Variants in FAM20C observed in about 807,000 individuals in gnomAD.
FAM20C encodes the protein FAM20C golgi associated secretory pathway kinase, also known as extracellular serine/threonine protein kinase FAM20C.
Under a neutral mutation model 51.5 loss-of-function variants are expected in FAM20C, and 40 were observed. The observed-to-expected ratio is 0.78, with a 90% CI of 0.60 to 1.01. FAM20C has a LOEUF of 1.01. FAM20C is among the 50% of genes least tolerant of loss of function. FAM20C has a pLI of 0.00. For synonymous variants in FAM20C, 406 were observed against 380.6 expected, an observed-to-expected ratio of 1.07 and a Z score of -0.78; for missense variants, 861 against 844.7, an observed-to-expected ratio of 1.02 and a Z score of -0.24.
At chr7:256,617 T>C in intron 6 of FAM20C, 37 bp from the exon 7 acceptor site, 1 of 1,499,550 alleles carries the variant, frequency 6.7e-7, no homozygotes, top group Non-Finnish European at 9.0e-7. Context: ...CCCCAGAATC[T>C]GGCCTGGGCC....
intron 3 of FAM20C, among the ~76,000 whole-genome samples, chr7:217,428 A>ACTCCAGCCCCTCCTGGGTGCCCCCC (rs71016859): frequency 1.3e-5 from 2 of 151,670 alleles, no homozygotes; most frequent in African/African-American, 4.8e-5. Flanking sequence ...GTAGAGCTGC[A>ACTCCAGCCCCTCCTGGGTGCCCCCC]TTTGGCTGTT....
Position 260,022 on chromosome 7 carries a change from G to A in FAM20C, c.*42G>A, listed in dbSNP as rs531078658. On this transcript the variant is annotated 3_prime_UTR_variant, in exon 10 of 10. Coordinates refer to ENST00000313766, the MANE Select transcript of FAM20C (RefSeq NM_020223.4). ...CGCTGCCCGGGACGGAGACAGAGGC[G>A]CCGGACCTCCCAGCAAGCGCATGCG... 19 of 1,458,178 alleles carry A rather than the reference G, an allele frequency of 1.3e-5. No homozygotes were observed. Among genetic ancestry groups the A allele is most frequent in the East Asian group, 7.6e-5 (3 of 39,488 alleles). The allele number at this position is 1,458,178 out of a possible 1,614,324, so 90.3% of individuals were successfully genotyped here. A position where few individuals can be genotyped will look rare whatever the true frequency, so the allele number is the denominator to read the frequency against.
chr7:246,629 C>A (rs1324528795), intron 4 of FAM20C, 122 bp downstream of exon 4: 3 of 439,710 alleles, frequency 6.8e-6, no homozygotes, highest in Admixed American at 7.6e-5. Context: ...TCAGGCAGCG[C>A]CGGTGCCTGC....
chr7:256,142 C>A, intron 6 of FAM20C, 113 bp downstream of exon 6: 1 of 1,306,390 alleles, frequency 7.7e-7, no homozygotes, highest in Non-Finnish European at 1.0e-6. Flanking sequence ...GGGTGCAGAG[C>A]CTGCTGTGCG....
intron 3 of FAM20C, chr7:227,565 G>A (rs1402827040): frequency 2.4e-5 from 1 of 40,924 alleles, no homozygotes; most frequent in Non-Finnish European, 5.6e-5. Flanking sequence ...GTAGTTAGTA[G>A]CAGCTTACCC....
chr7:240,910 G>A (rs967152150), intron 3 of FAM20C, among the ~76,000 whole-genome samples: 1 of 152,286 alleles, frequency 6.6e-6, no homozygotes, highest in South Asian at 2.1e-4. Context: ...AGGGCTGCGG[G>A]CTTGAGTCTG....
At chr7:244,345 C>T (rs999715392) in intron 3 of FAM20C, among the ~76,000 whole-genome samples, 4 of 152,176 alleles carry the variant, frequency 2.6e-5, no homozygotes, top group East Asian at 3.9e-4. Flanking sequence ...TTGAAAACAA[C>T]GAAGGCTTTT....
chr7:212,734 A>C (rs565737406), intron 3 of FAM20C, among the ~76,000 whole-genome samples: 1 of 152,294 alleles, frequency 6.6e-6, no homozygotes, highest in African/African-American at 2.4e-5. Context: ...ACATCAACCC[A>C]AGCGCTCCTG....
chr7:193,989 G>A (rs1469150669), intron 1 of FAM20C, 185 bp downstream of exon 1: 5 of 961,052 alleles, frequency 5.2e-6, no homozygotes, highest in African/African-American at 5.1e-5. Flanking sequence ...CTCCTCCTTG[G>A]GAGGGGCTGC....
intron 3 of FAM20C, among the ~76,000 whole-genome samples, chr7:226,623 C>G (rs955862086): frequency 1.3e-5 from 2 of 152,090 alleles, no homozygotes; most frequent in Non-Finnish European, 2.9e-5. Flanking sequence ...CGGGCACAGG[C>G]GGCCGCTCCA....
chr7:252,719 C>A (rs1299981023), intron 5 of FAM20C, among the ~76,000 whole-genome samples: 2 of 152,196 alleles, frequency 1.3e-5, no homozygotes, highest in South Asian at 4.1e-4. Flanking sequence ...GAGGCTGAGC[C>A]CCAGGCAGCC....
chr7:259,066 T>C lies in FAM20C; in HGVS notation c.1505+361T>C, dbSNP rs868368038. Among the ~76,000 whole-genome samples, 41 of 152,350 alleles carry C rather than the reference T, an allele frequency of 2.7e-4. No homozygotes were observed. In the Middle Eastern group the frequency reaches 0.01, roughly 38 times the overall value. On this transcript the variant is annotated intron_variant, in intron 9 of 9. Transcript: ENST00000313766. ...TGCCACTGCCACCTTCTGCGGGGGT[T>C]CAGACCCCCTTTCCCCCGTTTCATG...
At chr7:259,518 CTCTG>C (rs574932321) in intron 9 of FAM20C, among the ~76,000 whole-genome samples, 1 of 134,052 alleles carries the variant, frequency 7.5e-6, no homozygotes, top group Non-Finnish European at 1.5e-5. Flanking sequence ...GTCTGTCTGT[CTCTG>C]TCTGTCTGCC....
chr7:193,655 C>T lies in FAM20C; in HGVS notation c.456C>T (p.Pro152=), dbSNP rs1041528504. ...DPGPRRSESP[P]GPGGDASLLA... ...GCCCGCGTCGGTCCGAGTCGCCCCC[C>T]GGCCCCGGCGGAGACGCCTCCCTCC... Residue 152 remains proline, a synonymous_variant, in exon 1 of 10, where the codon CCC becomes CCT. Coordinates refer to ENST00000313766, the MANE Select transcript of FAM20C (RefSeq NM_020223.4). The T allele has an allele frequency of 9.1e-6, 14 of 1,540,864 alleles. No homozygotes were observed. Among genetic ancestry groups the T allele is most frequent in the African/African-American group, 4.2e-5 (3 of 72,276 alleles).
Position 259,858 on chromosome 7 carries a change from G to A in FAM20C, c.1633G>A (p.Ala545Thr), listed in dbSNP as rs1411929051. The A allele has an allele frequency of 1.3e-6, 2 of 1,536,308 alleles. No homozygotes were observed. The highest frequency in any genetic ancestry group is 8.7e-7 in the Non-Finnish European group (1 of 1,146,824). ...CGTGCTGTACCAGCCGCACCTGGAGGCCCTGGACCGGCGGCTCCGCGTCGT... is the reference window on the plus strand; with the variant it reads ...CGTGCTGTACCAGCCGCACCTGGAGACCCTGGACCGGCGGCTCCGCGTCGT... ...APVLYQPHLE[A>T]LDRRLRVVLK... is the part of the protein sequence containing the mutation. Residue 545 changes from alanine to threonine, a missense_variant, in exon 10 of 10, where the codon GCC (alanine) becomes ACC (threonine). By Grantham distance (58) the Ala-to-Thr change is moderately conservative. Transcript: ENST00000313766.
intron 8 of FAM20C, among the ~76,000 whole-genome samples, chr7:258,159 G>GCCC (rs1209954064): frequency 2.7e-5 from 3 of 113,114 alleles, no homozygotes; most frequent in African/African-American, 1.3e-4. Flanking sequence ...GCTGGAGATA[G>GCCC]GCAGGGTGGA....
intron 4 of FAM20C, 35 bp downstream of exon 4, chr7:246,542 C>CTCCATCCGTGCTCCG (rs1420066244): frequency 1.6e-6 from 2 of 1,278,046 alleles, no homozygotes; most frequent in African/African-American, 7.1e-5. Context: ...TCCGCGCTCC[C>CTCCATCCGTGCTCCG]GTGCGCTCAG....
At chr7:195,205 G>A (rs1274809258) in intron 1 of FAM20C, 2 of 232,870 alleles carry the variant, frequency 8.6e-6, no homozygotes, top group African/African-American at 4.5e-5. Context: ...CGCACCCTCA[G>A]CTGAGGTCAT....
chr7:203,708 G>C (rs1244753892), intron 2 of FAM20C, among the ~76,000 whole-genome samples: 1 of 152,214 alleles, frequency 6.6e-6, no homozygotes, highest in East Asian at 1.9e-4. Context: ...TTTGCTCCAT[G>C]GGGAGGAGCT....
Sources: allele counts gnomAD v4.1 joint callset (sites outside exome capture counted in the v4.1 genomes callset), GRCh38; gene constraint gnomAD v4.1.1; transcripts MANE v1.5; gene names NCBI Gene and HGNC (gene_info 2026-07-23, HGNC 2026-07-21).